The following SNX29 variants were observed in gnomAD, a reference collection of about 807,000 sequenced individuals.
The protein encoded by SNX29 is sorting nexin 29.
A neutral mutation model predicts 102.1 loss-of-function variants in SNX29; 78 were observed. The ratio of observed to expected loss-of-function variants is 0.76; its 90% CI spans 0.64 to 0.92. The LOEUF is 0.92. SNX29 is among the 40% of genes least tolerant of loss of function. The pLI is 0.00. For missense variants in SNX29, 1,280 were observed against 1,061.7 expected (o/e 1.21, Z -2.86); for synonymous variants, 580 against 414.5 (o/e 1.40, Z -4.85).
At position 12,539,953 on chromosome 16, in the gene SNX29, G is replaced by A. The variant is rs80314392; in HGVS notation, c.2318+15112G>A. ...ATATGTTAGATGCAAGACCTTTGTCGAACATGTGAGTTGCACATATTTTCT... is the reference window on the plus strand; with the variant it reads ...ATATGTTAGATGCAAGACCTTTGTCAAACATGTGAGTTGCACATATTTTCT... On this transcript the variant is annotated intron_variant, in intron 20 of 20. Coordinates refer to ENST00000566228, the MANE Select transcript of SNX29 (RefSeq NM_032167.5). Among the ~76,000 whole-genome samples, 650 of 152,298 alleles carry A rather than the reference G, an allele frequency of 4.3e-3. 1 individual carries two copies. The highest frequency in any genetic ancestry group is 0.012 in the African/African-American group (479 of 41,574).
At chr16:12,313,789 C>G (rs1268349036) in intron 15 of SNX29, among the ~76,000 whole-genome samples, 1 of 152,178 alleles carries the variant, frequency 6.6e-6, no homozygotes, top group East Asian at 1.9e-4. Flanking sequence ...CTGTATGTGA[C>G]AGATGATCAG....
chr16:11,982,984 GCA>G (rs2055458081), intron 1 of SNX29, among the ~76,000 whole-genome samples: 1 of 152,024 alleles, frequency 6.6e-6, no homozygotes, highest in Non-Finnish European at 1.5e-5. Context: ...AGGCTGGAGT[GCA>G]GTGCCACTAT....
chr16:12,529,722 A>G (rs1435225495), intron 20 of SNX29, among the ~76,000 whole-genome samples: 1 of 151,958 alleles, frequency 6.6e-6, no homozygotes, highest in African/African-American at 2.4e-5. Flanking sequence ...TGTGAAATAT[A>G]TCCATTTTTT....
rs2056741187 is a variant in SNX29 at position 12,013,503 on chromosome 16, ATATATATATATAT to A, written c.122+10461_122+10473del. ...TCTACTGGGGGAAAAAAAAAAAAAT[ATATATATATATAT>A]ATATATATATATATATATATATATA... On this transcript the variant is annotated intron_variant, in intron 3 of 20. Transcript: ENST00000566228. Among the ~76,000 whole-genome samples, 200 of 56,624 alleles carry A rather than the reference ATATATATATATAT, an allele frequency of 3.5e-3. 21 individuals are homozygous for A. Among genetic ancestry groups the A allele is most frequent in the South Asian group, 0.031 (46 of 1,476 alleles). The allele number at this position is 56,624 out of a possible 152,430, so 37.1% of individuals were successfully genotyped here. A position where few individuals can be genotyped will look rare whatever the true frequency, so the allele number is the denominator to read the frequency against.
intron 13 of SNX29, among the ~76,000 whole-genome samples, chr16:12,151,486 C>T (rs944373620): frequency 6.6e-6 from 1 of 152,112 alleles, no homozygotes; most frequent in Non-Finnish European, 1.5e-5. Context: ...GAATATCCAC[C>T]CTTCTTTCCC....
intron 20 of SNX29, among the ~76,000 whole-genome samples, chr16:12,566,278 C>G (rs947644534): frequency 2.4e-4 from 36 of 152,208 alleles, no homozygotes; most frequent in Admixed American, 1.3e-4. Context: ...CTGCCCACAG[C>G]AGGACTGGAC....
chr16:12,286,969 T>C (rs1390223057), intron 15 of SNX29, among the ~76,000 whole-genome samples: 1 of 152,204 alleles, frequency 6.6e-6, no homozygotes, highest in African/African-American at 2.4e-5. Context: ...GCTAGTCCCA[T>C]TGATTCTTGG....
intron 20 of SNX29, chr16:12,527,246 C>G (rs954441819): frequency 6.0e-5 from 32 of 533,436 alleles, no homozygotes; most frequent in African/African-American, 5.2e-4. Flanking sequence ...CAAGCCTTAC[C>G]CGTGCTGACG....
At chr16:12,536,370 T>C (rs1256455196) in intron 20 of SNX29, among the ~76,000 whole-genome samples, 1 of 151,956 alleles carries the variant, frequency 6.6e-6, no homozygotes, top group Non-Finnish European at 1.5e-5. Flanking sequence ...GGGGTAAAGC[T>C]TGTTTATGAC....
At chr16:12,410,193 G>A (rs1374622638) in intron 18 of SNX29, among the ~76,000 whole-genome samples, 1 of 152,122 alleles carries the variant, frequency 6.6e-6, no homozygotes, top group Admixed American at 6.5e-5. Context: ...ACAGGGTTTC[G>A]CTGTGTTAGC....
chr16:12,191,798 C>T (rs1312163172), intron 13 of SNX29, among the ~76,000 whole-genome samples: 5 of 152,176 alleles, frequency 3.3e-5, no homozygotes, highest in Non-Finnish European at 5.9e-5. Context: ...CAAAGCCAGG[C>T]GATTTATGCC....
intron 13 of SNX29, among the ~76,000 whole-genome samples, chr16:12,193,298 C>T (rs1005309158): frequency 5.9e-5 from 9 of 152,008 alleles, no homozygotes; most frequent in Middle Eastern, 3.4e-3. Context: ...GGCAAAACCC[C>T]GTCCCTACTG....
chr16:12,152,328 T>C (rs534440885), intron 13 of SNX29, among the ~76,000 whole-genome samples: 15 of 152,268 alleles, frequency 9.9e-5, no homozygotes, highest in African/African-American at 3.6e-4. Flanking sequence ...ATGTTGGAAT[T>C]ATTACCTCCC....
chr16:12,539,007 G>T (rs528266874), intron 20 of SNX29, among the ~76,000 whole-genome samples: 1 of 152,296 alleles, frequency 6.6e-6, no homozygotes, highest in East Asian at 1.9e-4. Flanking sequence ...AGTAATTCGA[G>T]CCAAAACCAT....
At chr16:12,237,980 C>G (rs1028745555) in intron 14 of SNX29, among the ~76,000 whole-genome samples, 1 of 152,130 alleles carries the variant, frequency 6.6e-6, no homozygotes, top group African/African-American at 2.4e-5. Flanking sequence ...GCCACAGAAG[C>G]AACGACGCTG....
intron 20 of SNX29, among the ~76,000 whole-genome samples, chr16:12,564,483 G>GAT (rs1337267128): frequency 3.9e-5 from 6 of 152,296 alleles, no homozygotes; most frequent in African/African-American, 1.4e-4. Flanking sequence ...CTTTCTCCAA[G>GAT]GTCTAGAGTG....
chr16:12,177,060 A>C (rs557057201), intron 13 of SNX29, among the ~76,000 whole-genome samples: 28 of 152,018 alleles, frequency 1.8e-4, no homozygotes, highest in Non-Finnish European at 3.8e-4. Context: ...CAATCCTCCT[A>C]CCTCAGCCTC....
At chr16:12,331,370 A>C (rs1458626706) in intron 15 of SNX29, among the ~76,000 whole-genome samples, 1 of 152,200 alleles carries the variant, frequency 6.6e-6, no homozygotes, top group Non-Finnish European at 1.5e-5. Flanking sequence ...ACTTTGATTT[A>C]ATTTTTATTC....
Position 12,052,233 on chromosome 16 carries a change from G to C in SNX29, c.1124+11G>C. The stretch of plus-strand genomic sequence containing the variant: ...GGAGTCGCCCGAGAAGTAAGTTTGT[G>C]TGTAAGGTGGAGTCTCACCGTCCCC... On this transcript the variant is annotated intron_variant, in intron 8 of 20. Transcript: ENST00000566228. 1 of 1,613,602 alleles carries C rather than the reference G, an allele frequency of 6.2e-7. No individual in the cohort carries two copies. The highest frequency in any genetic ancestry group is 8.5e-7 in the Non-Finnish European group (1 of 1,179,756).
Sources: allele counts gnomAD v4.1 joint callset (sites outside exome capture counted in the v4.1 genomes callset), GRCh38; gene constraint gnomAD v4.1.1; transcripts MANE v1.5; gene names NCBI Gene and HGNC (gene_info 2026-07-23, HGNC 2026-07-21).